MYO18A: variants seen among roughly 807,000 people sequenced by gnomAD.
The protein encoded by MYO18A is myosin XVIIIA, also known as unconventional myosin-XVIIIa.
Under a neutral mutation model 235.8 loss-of-function variants are expected in MYO18A, and 78 were observed. The ratio of observed to expected loss-of-function variants is 0.33; its 90% CI spans 0.28 to 0.40. MYO18A has a LOEUF of 0.40. Among genes scored for constraint, MYO18A ranks in the 10% least tolerant of loss-of-function variants. The probability of loss-of-function intolerance (pLI) is 1.00; values close to 1 mark genes in which losing one functional copy is unlikely to be tolerated. For synonymous variants in MYO18A, 977 were observed against 1,077.8 expected (o/e 0.91, Z 1.83); for missense variants, 2,215 against 2,699.3 (o/e 0.82, Z 3.98).
rs2066574099 is a variant in MYO18A, at chr17:29,098,405, T to C, written c.3821A>G (p.Glu1274Gly). 6.2e-7 allele frequency: 1 copy of C among 1,613,834 alleles called. No homozygotes were observed. Among genetic ancestry groups the C allele is most frequent in the Non-Finnish European group, 8.5e-7 (1 of 1,179,896 alleles). Residue 1274 changes from glutamate to glycine, a missense_variant, in exon 24 of 42, where the codon GAG (glutamate) becomes GGG (glycine). Physicochemically the swap from Glu to Gly is moderately conservative, Grantham distance 98 (BLOSUM62 -2). Transcript: ENST00000527372. ...QQLRSKLEKA[E>G]KERNELRLNS... ...GAGCCGCAGCTCGTTCCTCTCCTTC[T>C]CCGCCTTCTCGAGCTTGCTCCGCAG...
At chr17:29,095,335 C>A (rs1429876248) in intron 28 of MYO18A, among the ~76,000 whole-genome samples, 1 of 152,152 alleles carries the variant, frequency 6.6e-6, no homozygotes, top group Non-Finnish European at 1.5e-5. Flanking sequence ...TTAACAGGCC[C>A]CCTCAGGAGT....
In MYO18A at chr17:29,082,491, C is replaced by T. The variant is rs548782872; in HGVS notation, c.5898-53G>A. On this transcript the variant is annotated intron_variant, in intron 40 of 41. Transcript: ENST00000527372. ...ACAAGGCATAGGCACCTGCTGCCCA[C>T]GAGGGGAGCAGATGGGGGTGCAGGG... The T allele has an allele frequency of 3.5e-5, 56 of 1,577,986 alleles. No homozygotes were observed. The South Asian group carries it at 4.7e-4, about 13-fold the overall frequency.
At chr17:29,133,955 G>C (rs775912713) in intron 2 of MYO18A, 75 of 842,604 alleles carry the variant, frequency 8.9e-5, no homozygotes, top group Middle Eastern at 6.2e-4. Context: ...GGCAACAAGG[G>C]GAAAGGAGGG....
At chr17:29,178,421 C>T (rs955893949) in intron 1 of MYO18A, among the ~76,000 whole-genome samples, 3 of 113,012 alleles carry the variant, frequency 2.7e-5, no homozygotes, top group African/African-American at 9.9e-5. Context: ...CCACCTACAA[C>T]CCTTCTCATT....
intron 2 of MYO18A, among the ~76,000 whole-genome samples, chr17:29,160,914 A>G (rs777464603): frequency 6.6e-6 from 1 of 152,182 alleles, no homozygotes; most frequent in Non-Finnish European, 1.5e-5. Flanking sequence ...CCTTCCCACC[A>G]CATTCTCAAA....
intron 34 of MYO18A, 82 bp downstream of exon 34, chr17:29,092,261 G>T (rs899450432): frequency 9.6e-6 from 10 of 1,037,380 alleles, no homozygotes; most frequent in Non-Finnish European, 1.4e-5. Flanking sequence ...GGAGGGACCT[G>T]TCTAGGGTGA....
chr17:29,172,173 A>C (rs2068420259), intron 1 of MYO18A, among the ~76,000 whole-genome samples: 1 of 152,156 alleles, frequency 6.6e-6, no homozygotes, highest in Non-Finnish European at 1.5e-5. Context: ...CAAACCTGTG[A>C]ACAAATCTGA....
intron 41 of MYO18A, chr17:29,080,733 A>G: frequency 2.0e-6 from 2 of 985,522 alleles, no homozygotes; most frequent in Non-Finnish European, 2.4e-6. Flanking sequence ...GCCCCCGGCC[A>G]GCGCGCCCCC....
chr17:29,111,303 A>C lies in MYO18A; in HGVS notation c.2900+121T>G. On this transcript the variant is annotated intron_variant, in intron 17 of 41. Transcript: ENST00000527372. The surrounding 1 kb of genome is among the most constrained non-coding windows in gnomAD (Gnocchi z 5.1). Reference sequence around the variant, plus strand: ...CAAGTGCCCTGGGCTGTTGCCTCTCAGGAATAAAGGCCATCTACTTTGCTA... The same window carrying C: ...CAAGTGCCCTGGGCTGTTGCCTCTCCGGAATAAAGGCCATCTACTTTGCTA... 4.2e-6 allele frequency: 5 copies of C among 1,193,542 alleles called. No homozygotes were observed. Among genetic ancestry groups the C allele is most frequent in the Non-Finnish European group, 5.8e-6 (5 of 855,102 alleles). 73.9% of individuals were successfully genotyped at this position (1,193,542 alleles called of 1,614,324 possible).
intron 41 of MYO18A, chr17:29,075,119 G>A: frequency 1.8e-6 from 1 of 569,010 alleles, no homozygotes; most frequent in Non-Finnish European, 3.2e-6. Context: ...AAGCTCCGAG[G>A]AAAGGGATGC....
At chr17:29,085,691 A>G (rs771152060) in intron 39 of MYO18A, 43 bp from the exon 40 acceptor site, 7 of 1,609,138 alleles carry the variant, frequency 4.4e-6, no homozygotes, top group Middle Eastern at 1.7e-4. Context: ...TCCAGAGGAA[A>G]CAGATGAAAT....
At chr17:29,081,800 G>A (rs1451582377) in intron 41 of MYO18A, among the ~76,000 whole-genome samples, 1 of 152,140 alleles carries the variant, frequency 6.6e-6, no homozygotes, top group Non-Finnish European at 1.5e-5. Context: ...CCAGTGGATG[G>A]GTATTAGGAG....
In MYO18A at chr17:29,096,879, G is replaced by A. The variant is rs569730761; in HGVS notation, c.4267C>T (p.Arg1423Trp). 10 of 1,578,888 alleles carry A rather than the reference G, an allele frequency of 6.3e-6. No homozygotes were observed. Among genetic ancestry groups the A allele is most frequent in the Admixed American group, 3.6e-5 (2 of 55,190 alleles). The change falls in exon 28 of 42, where the codon CGG becomes TGG. Residue 1423 changes from arginine to tryptophan, a missense_variant. Physicochemically the swap from Arg to Trp is moderately radical, Grantham distance 101 (BLOSUM62 -3). Coordinates refer to ENST00000527372, the MANE Select transcript of MYO18A (RefSeq NM_078471.4). ...DLQADSEESQRALQQLKKKCQ... is the reference protein window; with the variant it reads ...DLQADSEESQWALQQLKKKCQ... ...TTCTTCTTGAGCTGCTGCAGAGCCC[G>A]CTGACTCTCCTCACTATCTGCCTGC... is the stretch of plus-strand genomic sequence containing the variant.
At chr17:29,097,933 C>T (rs1568058510) in intron 25 of MYO18A, 34 bp from the exon 26 acceptor site, 4 of 1,594,896 alleles carry the variant, frequency 2.5e-6, no homozygotes, top group Non-Finnish European at 3.4e-6. Context: ...TGTGCCATTC[C>T]ATCCCCTCAT....
Position 29,092,248 on chromosome 17 carries a change from C to T in MYO18A, c.5187+95G>A, listed in dbSNP as rs184163724. The T allele has an allele frequency of 4.7e-5, 41 of 874,670 alleles. 1 individual carries two copies. Among genetic ancestry groups the T allele is most frequent in the Middle Eastern group, 6.0e-4 (2 of 3,324 alleles). The allele number at this position is 874,670 out of a possible 1,614,324, so 54.2% of individuals were successfully genotyped here. A position where few individuals can be genotyped will look rare whatever the true frequency, so the allele number is the denominator to read the frequency against. On this transcript the variant is annotated intron_variant, in intron 34 of 41. Transcript: ENST00000527372. ...TGAAAGGACCTGTCACAAGTCCTGACGTGGAGGGACCTGTCTAGGGTGAAG... is the reference window on the plus strand; with the variant it reads ...TGAAAGGACCTGTCACAAGTCCTGATGTGGAGGGACCTGTCTAGGGTGAAG...
At chr17:29,179,461 C>T (rs148246670) in intron 1 of MYO18A, among the ~76,000 whole-genome samples, 21 of 152,226 alleles carry the variant, frequency 1.4e-4, no homozygotes, top group South Asian at 2.1e-4. Flanking sequence ...AGGAGCGCAC[C>T]CCCACTAACA....
At chr17:29,144,595 A>C (rs545787518) in intron 2 of MYO18A, among the ~76,000 whole-genome samples, 2 of 152,364 alleles carry the variant, frequency 1.3e-5, no homozygotes, top group South Asian at 4.1e-4. Context: ...TGGCCTTAAA[A>C]TAGTATGATA....
chr17:29,132,461 A>T (rs1389278952), intron 2 of MYO18A, among the ~76,000 whole-genome samples: 1 of 152,148 alleles, frequency 6.6e-6, no homozygotes, highest in East Asian at 1.9e-4. Flanking sequence ...CAGCCCTGTT[A>T]CCAACCCTAC....
At chr17:29,090,394 C>G (rs1170533747) in intron 36 of MYO18A, 138 bp downstream of exon 36, 2 of 775,648 alleles carry the variant, frequency 2.6e-6, no homozygotes, top group Non-Finnish European at 4.1e-6. Flanking sequence ...CCAAGCCTAG[C>G]TCTTGCTCCT....
Sources: gnomAD v4.1 joint callset for allele counts (sites outside exome capture counted in the v4.1 genomes callset) on GRCh38, gnomAD v4.1.1 for gene constraint, Gnocchi (gnomAD v3.1) non-coding constraint, MANE v1.5 for transcripts, NCBI Gene and HGNC (gene_info 2026-07-23, HGNC 2026-07-21) for gene names.